Variants in METTL15 observed in about 807,000 individuals in gnomAD.
The protein encoded by METTL15 is 12S rRNA N(4)-cytidine methyltransferase METTL15.
A neutral mutation model predicts 38.3 loss-of-function variants in METTL15; 34 were observed. The observed-to-expected ratio is 0.89, with a 90% confidence interval of 0.68 to 1.18. METTL15 has a LOEUF of 1.18. Ranked by LOEUF, METTL15 falls within the 50% of genes most tolerant of loss-of-function variation. The pLI, the probability that METTL15 is intolerant of heterozygous loss-of-function variation, is 0.00. For missense variants in METTL15, 438 were observed against 498.4 expected (o/e 0.88, Z 1.15); for synonymous variants, 162 against 170.9 (o/e 0.95, Z 0.41).
chr11:28,463,814 A>G (rs913082615), intron 6 of METTL15, among the ~76,000 whole-genome samples: 1 of 152,156 alleles, frequency 6.6e-6, no homozygotes, highest in Admixed American at 6.5e-5. Flanking sequence ...GCTACTGCAT[A>G]TGTAGCACCT....
At chr11:28,481,622 A>G (rs1337216399) in intron 6 of METTL15, among the ~76,000 whole-genome samples, 4 of 152,074 alleles carry the variant, frequency 2.6e-5, no homozygotes, top group Non-Finnish European at 4.4e-5. Flanking sequence ...CCCTCAAGTC[A>G]CTGAAGCGGC....
chr11:28,190,170 T>G (rs999125503), intron 3 of METTL15, among the ~76,000 whole-genome samples: 16 of 151,334 alleles, frequency 1.1e-4, no homozygotes, highest in African/African-American at 3.9e-4. Flanking sequence ...GCTTCTAATT[T>G]CTCTTAATAG....
chr11:28,253,401 C>T (rs1007957607), intron 4 of METTL15, among the ~76,000 whole-genome samples: 8 of 152,100 alleles, frequency 5.3e-5, no homozygotes, highest in Non-Finnish European at 8.8e-5. Context: ...GAAATAAGTA[C>T]ATCGTGGAGA....
At chr11:28,175,177 T>C (rs900790470) in intron 3 of METTL15, among the ~76,000 whole-genome samples, 1 of 151,962 alleles carries the variant, frequency 6.6e-6, no homozygotes, top group Admixed American at 6.6e-5. Flanking sequence ...AGTTCCCACT[T>C]ATGAGTGAGA....
chr11:28,203,971 C>G (rs1018596910), intron 3 of METTL15, among the ~76,000 whole-genome samples: 5 of 151,960 alleles, frequency 3.3e-5, no homozygotes, highest in Non-Finnish European at 7.4e-5. Context: ...ACATCTTGAG[C>G]TGAATTATAA....
At chr11:28,471,227 A>C (rs956025525) in intron 6 of METTL15, among the ~76,000 whole-genome samples, 2 of 152,092 alleles carry the variant, frequency 1.3e-5, no homozygotes, top group Non-Finnish European at 2.9e-5. Flanking sequence ...CAAGGTGGAA[A>C]CTGCAAGACT....
chr11:28,269,449 T>C (rs1287862979), intron 4 of METTL15, among the ~76,000 whole-genome samples: 1 of 152,110 alleles, frequency 6.6e-6, no homozygotes, highest in Non-Finnish European at 1.5e-5. Flanking sequence ...TCAAGCTTTT[T>C]TAAAAGTTTC....
intron 6 of METTL15, among the ~76,000 whole-genome samples, chr11:28,472,742 T>C (rs1564941030): frequency 6.6e-6 from 1 of 152,078 alleles, no homozygotes; most frequent in Non-Finnish European, 1.5e-5. Flanking sequence ...AGATATTAAA[T>C]AGGAGGGAAA....
At chr11:28,397,792 A>G (rs373198381) in intron 5 of METTL15, among the ~76,000 whole-genome samples, 2 of 152,308 alleles carry the variant, frequency 1.3e-5, no homozygotes, top group Middle Eastern at 3.4e-3. Context: ...ATGCACATGT[A>G]TGTTTATTGT....
intron 6 of METTL15, among the ~76,000 whole-genome samples, chr11:28,430,888 T>A (rs1488594258): frequency 1.9e-5 from 2 of 106,188 alleles, no homozygotes; most frequent in African/African-American, 7.2e-5. Context: ...AGCCGCCCCG[T>A]CCGGGAGGGA....
chr11:28,526,018 C>T (rs1009928773), intron 6 of METTL15, among the ~76,000 whole-genome samples: 4 of 152,242 alleles, frequency 2.6e-5, no homozygotes, highest in East Asian at 1.9e-4. Context: ...GGGGACCTGG[C>T]GCACCCTCTG....
intron 4 of METTL15, among the ~76,000 whole-genome samples, chr11:28,357,589 A>G (rs1260080297): frequency 6.6e-6 from 1 of 152,170 alleles, no homozygotes; most frequent in Non-Finnish European, 1.5e-5. Context: ...TGATAATCCT[A>G]CTTTATAAGC....
chr11:28,514,703 C>T (rs1047174695), intron 6 of METTL15, among the ~76,000 whole-genome samples: 1 of 152,190 alleles, frequency 6.6e-6, no homozygotes, highest in African/African-American at 2.4e-5. Context: ...ATATCCCAGC[C>T]CTGTTCACCT....
chr11:28,263,479 G>A (rs571230231), intron 4 of METTL15, among the ~76,000 whole-genome samples: 2 of 152,162 alleles, frequency 1.3e-5, no homozygotes, highest in Admixed American at 1.3e-4. Flanking sequence ...ATTGAAACCT[G>A]AATATATGAT....
At chr11:28,402,124 G>C (rs1214710164) in intron 5 of METTL15, among the ~76,000 whole-genome samples, 20 of 151,786 alleles carry the variant, frequency 1.3e-4, no homozygotes. Context: ...CTATTACTTA[G>C]GTCTCTGTTA....
At chr11:28,324,465 T>C (rs925653545) in intron 6 of METTL15, among the ~76,000 whole-genome samples, 2 of 152,212 alleles carry the variant, frequency 1.3e-5, no homozygotes, top group African/African-American at 2.4e-5. Flanking sequence ...AGGTGCTCCA[T>C]TGCATGTACA....
At chr11:28,287,318 T>G in intron 4 of METTL15, 1 of 243,238 alleles carries the variant, frequency 4.1e-6, no homozygotes, top group Non-Finnish European at 8.4e-6. Flanking sequence ...AGGTTGTCAT[T>G]ACAATGAAAC....
intron 6 of METTL15, among the ~76,000 whole-genome samples, chr11:28,315,009 A>G (rs767839628): frequency 1.3e-5 from 2 of 152,232 alleles, no homozygotes; most frequent in Non-Finnish European, 2.9e-5. Context: ...TAATTGGCCC[A>G]GTCTCAGGTA....
intron 3 of METTL15, among the ~76,000 whole-genome samples, chr11:28,114,999 C>CA (rs1851879750): frequency 6.6e-6 from 1 of 152,150 alleles, no homozygotes; most frequent in Non-Finnish European, 1.5e-5. Context: ...TGGCTGGAGA[C>CA]AAAGATATGA....
Sources: allele counts gnomAD v4.1 joint callset (sites outside exome capture counted in the v4.1 genomes callset), GRCh38; gene constraint gnomAD v4.1.1; transcripts MANE v1.5; gene names NCBI Gene and HGNC (gene_info 2026-07-23, HGNC 2026-07-21).